Variants in SVOP observed in about 807,000 individuals in gnomAD.
SVOP encodes the protein SV2 related protein, also known as synaptic vesicle 2-related protein.
Under a neutral mutation model 69.1 loss-of-function variants are expected in SVOP, and 17 were observed. That is an observed-to-expected ratio of 0.25 (90% CI 0.17 to 0.37). The LOEUF is 0.37. SVOP is among the 10% of genes least tolerant of loss of function. SVOP has a pLI of 1.00. For synonymous variants in SVOP, 238 were observed against 238.6 expected, an observed-to-expected ratio of 1.00 and a Z score of 0.02; for missense variants, 435 against 597.5, an observed-to-expected ratio of 0.73 and a Z score of 2.84.
chr12:108,925,322 G>T (rs2039773800), intron 11 of SVOP, among the ~76,000 whole-genome samples: 1 of 149,524 alleles, frequency 6.7e-6, no homozygotes, highest in Admixed American at 6.6e-5. Context: ...GCTTTACCGT[G>T]CCGGGGGAGG....
At chr12:109,011,373 G>A (rs1313858263) in intron 1 of SVOP, among the ~76,000 whole-genome samples, 1 of 152,168 alleles carries the variant, frequency 6.6e-6, no homozygotes, top group Admixed American at 6.5e-5. Context: ...GGTTCCCTTG[G>A]GGGATGCCCA....
chr12:109,007,909 G>A (rs954006810), intron 1 of SVOP, among the ~76,000 whole-genome samples: 3 of 152,074 alleles, frequency 2.0e-5, no homozygotes, highest in Admixed American at 6.5e-5. Context: ...GTGGTGGTAC[G>A]CACCTTTGGT....
rs373534602 is a variant in SVOP at position 108,937,300 on chromosome 12, T to C, written c.935A>G (p.His312Arg). ...CAGCAGCAAAGTTGTCCATCTAAAA[T>C]GGGGTGTGAAAAGGTCCCTCATTTT... ...RGKMRDLFTP[H>R]FRWTTLLLWF... Residue 312 changes from histidine (H) to arginine (R), a missense_variant, in exon 10 of 16, where the codon CAT (histidine) becomes CGT (arginine). Coordinates refer to ENST00000610966, the MANE Select transcript of SVOP (RefSeq NM_018711.5). The C allele has an allele frequency of 3.1e-6, 5 of 1,613,806 alleles. No homozygotes were observed. The African/African-American group carries it at 6.7e-5, about 22-fold the overall frequency.
At chr12:108,921,589 T>C (rs2039748645) in intron 12 of SVOP, among the ~76,000 whole-genome samples, 2 of 152,140 alleles carry the variant, frequency 1.3e-5, no homozygotes, top group African/African-American at 4.8e-5. Context: ...GTTTTCCTGC[T>C]GATGGGCAAG....
intron 6 of SVOP, among the ~76,000 whole-genome samples, chr12:108,948,547 T>C (rs2039937215): frequency 6.6e-6 from 1 of 152,232 alleles, no homozygotes; most frequent in Non-Finnish European, 1.5e-5. Flanking sequence ...GGTTTGTCTA[T>C]ATCATGCAGC....
Position 108,910,396 on chromosome 12 carries a change from G to A in SVOP, c.*2139C>T, listed in dbSNP as rs2039674921. ...CCCCCAGCTCCACTGGGTTATTCTA[G>A]GGTGAGGGAGCGGACATGATCATCC... On this transcript the variant is annotated 3_prime_UTR_variant, in exon 16 of 16. Transcript: ENST00000610966. 1 of 152,274 alleles carries A rather than the reference G, an allele frequency of 6.6e-6. No homozygotes were observed. The highest frequency in any genetic ancestry group is 1.5e-5 in the Non-Finnish European group (1 of 68,130). 9.4% of individuals were successfully genotyped at this position (152,274 alleles called of 1,614,324 possible).
chr12:108,938,190 C>A (rs1469500239), intron 9 of SVOP, among the ~76,000 whole-genome samples: 2 of 152,210 alleles, frequency 1.3e-5, no homozygotes, highest in African/African-American at 4.8e-5. Flanking sequence ...AAGGTAATTT[C>A]TTTATAGGAT....
intron 1 of SVOP, among the ~76,000 whole-genome samples, chr12:109,003,452 G>A (rs1055964210): frequency 1.3e-5 from 2 of 152,170 alleles, no homozygotes; most frequent in African/African-American, 4.8e-5. Context: ...ACGGTTGTGA[G>A]CATTAACTGA....
chr12:108,986,393 C>T (rs886242791), intron 1 of SVOP, among the ~76,000 whole-genome samples: 2 of 152,094 alleles, frequency 1.3e-5, no homozygotes, highest in Admixed American at 1.3e-4. Context: ...CCATTGCTTC[C>T]CATTTACTCT....
intron 3 of SVOP, 137 bp from the exon 4 acceptor site, chr12:108,977,633 A>G (rs1037147457): frequency 3.5e-6 from 2 of 568,392 alleles, no homozygotes; most frequent in Admixed American, 5.3e-5. Flanking sequence ...CTGCACATCA[A>G]ACCACACTCA....
intron 6 of SVOP, among the ~76,000 whole-genome samples, chr12:108,956,719 G>C (rs889643196): frequency 5.9e-5 from 9 of 152,152 alleles, no homozygotes; most frequent in Admixed American, 2.0e-4. Flanking sequence ...ACTGACAAAG[G>C]ATCCATCATA....
intron 1 of SVOP, among the ~76,000 whole-genome samples, chr12:109,014,042 G>A (rs1380768726): frequency 2.2e-5 from 3 of 138,934 alleles, no homozygotes; most frequent in East Asian, 2.1e-4. Context: ...TTGAGATGGA[G>A]TCCCACTCTG....
intron 1 of SVOP, among the ~76,000 whole-genome samples, chr12:108,997,152 G>A (rs1301795738): frequency 6.6e-6 from 1 of 151,422 alleles, no homozygotes. Flanking sequence ...CACTTGGGAA[G>A]CGCAAGGGGT....
chr12:109,017,606 G>A (rs2040374605), intron 1 of SVOP, among the ~76,000 whole-genome samples: 1 of 152,044 alleles, frequency 6.6e-6, no homozygotes, highest in Non-Finnish European at 1.5e-5. Flanking sequence ...CTGGAGTGCA[G>A]TGGCACAATC....
At chr12:108,988,804 G>A (rs1389387725) in intron 1 of SVOP, among the ~76,000 whole-genome samples, 1 of 112,386 alleles carries the variant, frequency 8.9e-6, no homozygotes, top group Non-Finnish European at 1.6e-5. Flanking sequence ...ACCCAGTCTC[G>A]CTGTGACACC....
At chr12:108,937,074 T>G (rs1593183126) in intron 10 of SVOP, 190 bp downstream of exon 10, 1 of 598,980 alleles carries the variant, frequency 1.7e-6, no homozygotes, top group Non-Finnish European at 3.0e-6. Context: ...AAGAAAAAGA[T>G]GAAGGAAATG....
chr12:108,975,785 TC>T (rs2040103261), intron 4 of SVOP, among the ~76,000 whole-genome samples: 1 of 152,180 alleles, frequency 6.6e-6, no homozygotes, highest in South Asian at 2.1e-4. Flanking sequence ...CTCTGCAAAC[TC>T]AGCCTCCCGG....
chr12:108,918,201 G>T, intron 13 of SVOP, 77 bp from the exon 14 acceptor site: 1 of 1,214,134 alleles, frequency 8.2e-7, no homozygotes, highest in Non-Finnish European at 1.1e-6. Context: ...TTCCCAGGCA[G>T]TATCAATGCC....
At chr12:108,953,975 G>A (rs758149591) in intron 6 of SVOP, among the ~76,000 whole-genome samples, 1 of 151,968 alleles carries the variant, frequency 6.6e-6, no homozygotes, top group Non-Finnish European at 1.5e-5. Flanking sequence ...AGCCGGGTGT[G>A]GTGGCTTGCT....
Sources: allele counts gnomAD v4.1 joint callset (sites outside exome capture counted in the v4.1 genomes callset), GRCh38; gene constraint gnomAD v4.1.1; transcripts MANE v1.5; gene names NCBI Gene and HGNC (gene_info 2026-07-23, HGNC 2026-07-21).